Variants in PRKCE observed in about 807,000 individuals in gnomAD.
The protein encoded by PRKCE is protein kinase C epsilon type.
A neutral mutation model predicts 85.4 loss-of-function variants in PRKCE; 16 were observed. The observed-to-expected ratio is 0.19, with a 90% CI of 0.13 to 0.28. The LOEUF (loss-of-function observed/expected upper bound fraction) is 0.28, where lower values mean the gene tolerates loss of function less well. Among genes scored for constraint, PRKCE ranks in the 10% least tolerant of loss-of-function variants. The pLI, the probability that PRKCE is intolerant of heterozygous loss-of-function variation, is 1.00. For missense variants in PRKCE, 573 were observed against 975.2 expected, an observed-to-expected ratio of 0.59 and a Z score of 5.49; for synonymous variants, 388 against 371.5, an observed-to-expected ratio of 1.04 and a Z score of -0.51.
chr2:46,184,951 ACT>A lies in PRKCE; in HGVS notation c.*72_*73del. The A allele has an allele frequency of 6.4e-7, 1 of 1,568,628 alleles. No homozygotes were observed. The highest frequency in any genetic ancestry group is 8.6e-7 in the Non-Finnish European group (1 of 1,158,476). Reference sequence around the variant, plus strand: ...CAGAGAAGACTCCTGTGTTGGAGACACTCAGCAGGTCTTGAACTACTTCTCCT... The same window carrying A: ...CAGAGAAGACTCCTGTGTTGGAGACACAGCAGGTCTTGAACTACTTCTCCT... On this transcript the variant is annotated 3_prime_UTR_variant, in exon 15 of 15. Transcript: ENST00000306156. The surrounding 1 kb of genome is among the most constrained non-coding windows in gnomAD (Gnocchi z 5.0).
chr2:45,947,125 T>A (rs1396907189), intron 2 of PRKCE, among the ~76,000 whole-genome samples: 3 of 152,258 alleles, frequency 2.0e-5, no homozygotes, highest in African/African-American at 7.2e-5. Flanking sequence ...TGCAATCGAA[T>A]GTTATTCAGA....
At chr2:46,002,109 A>C (rs533343744) in intron 7 of PRKCE, among the ~76,000 whole-genome samples, 9 of 152,242 alleles carry the variant, frequency 5.9e-5, no homozygotes, top group Non-Finnish European at 1.3e-4. Context: ...TCTAAATATC[A>C]GTAAGAAGAG....
At chr2:45,703,378 A>G (rs542057233) in intron 1 of PRKCE, among the ~76,000 whole-genome samples, 37 of 152,162 alleles carry the variant, frequency 2.4e-4, no homozygotes, top group African/African-American at 8.7e-4. Context: ...TCTAAAAATA[A>G]TTTGAAAAAT....
chr2:46,065,579 G>A (rs1667559259), intron 10 of PRKCE, among the ~76,000 whole-genome samples: 1 of 152,164 alleles, frequency 6.6e-6, no homozygotes, highest in African/African-American at 2.4e-5. Context: ...AAGAGCTACT[G>A]TAACTAAATT....
intron 1 of PRKCE, among the ~76,000 whole-genome samples, chr2:45,823,051 G>C (rs978955837): frequency 3.3e-5 from 5 of 152,166 alleles, no homozygotes; most frequent in Non-Finnish European, 7.3e-5. Flanking sequence ...GCCATGCTAG[G>C]CCCAGGGGAA....
chr2:46,143,313 G>A (rs147008072), intron 11 of PRKCE, among the ~76,000 whole-genome samples: 129 of 152,102 alleles, frequency 8.5e-4, no homozygotes, highest in African/African-American at 3.0e-3. Flanking sequence ...ATGGGGGTTG[G>A]CAGCACTGGA....
At chr2:46,028,052 C>G (rs1480988909) in intron 10 of PRKCE, among the ~76,000 whole-genome samples, 1 of 152,094 alleles carries the variant, frequency 6.6e-6, no homozygotes, top group East Asian at 1.9e-4. Context: ...CGTGATTCTC[C>G]TGCCTCAGCC....
intron 10 of PRKCE, among the ~76,000 whole-genome samples, chr2:46,083,738 C>G (rs1178863628): frequency 1.3e-5 from 2 of 152,220 alleles, no homozygotes; most frequent in African/African-American, 4.8e-5. Flanking sequence ...AACCAGATAT[C>G]TGAGTTGGGG....
intron 2 of PRKCE, among the ~76,000 whole-genome samples, chr2:45,929,728 C>T (rs1698895337): frequency 6.6e-6 from 1 of 152,096 alleles, no homozygotes; most frequent in African/African-American, 2.4e-5. Flanking sequence ...TCCCCCCACC[C>T]CCAGGACCTC....
intron 1 of PRKCE, among the ~76,000 whole-genome samples, chr2:45,654,826 G>C (rs12617177): frequency 0.1 from 15,291 of 152,176 alleles, 874 homozygotes; most frequent in East Asian, 0.23. Context: ...ATTGGCAGGG[G>C]TGACTGGCCC....
chr2:46,021,757 G>A (rs914151669), intron 10 of PRKCE, among the ~76,000 whole-genome samples: 1 of 152,142 alleles, frequency 6.6e-6, no homozygotes, highest in Non-Finnish European at 1.5e-5. Context: ...AACAAAGCCA[G>A]TTTCCTCATG....
At chr2:45,992,395 G>A (rs1397469269) in intron 6 of PRKCE, among the ~76,000 whole-genome samples, 1 of 152,166 alleles carries the variant, frequency 6.6e-6, no homozygotes, top group Non-Finnish European at 1.5e-5. Context: ...ATCTCTTTCT[G>A]GTGATGACAT....
At chr2:45,836,393 G>A (rs2105438448) in intron 1 of PRKCE, among the ~76,000 whole-genome samples, 1 of 152,348 alleles carries the variant, frequency 6.6e-6, no homozygotes, top group Non-Finnish European at 1.5e-5. Context: ...AATAGAGCAA[G>A]TAGCAAATTT....
At chr2:45,750,498 C>G (rs1683472014) in intron 1 of PRKCE, among the ~76,000 whole-genome samples, 1 of 151,644 alleles carries the variant, frequency 6.6e-6, no homozygotes, top group Non-Finnish European at 1.5e-5. Flanking sequence ...GGAACTGAGT[C>G]CCAAGGTGGG....
At chr2:45,734,575 A>G (rs1681883799) in intron 1 of PRKCE, among the ~76,000 whole-genome samples, 1 of 152,186 alleles carries the variant, frequency 6.6e-6, no homozygotes, top group South Asian at 2.1e-4. Flanking sequence ...TGACAAACAC[A>G]AAAGGAGATG....
intron 11 of PRKCE, among the ~76,000 whole-genome samples, chr2:46,135,193 T>C (rs1674838518): frequency 6.6e-6 from 1 of 152,236 alleles, no homozygotes; most frequent in Admixed American, 6.5e-5. Flanking sequence ...TTGATCAAAA[T>C]AGCATTGTCT....
At chr2:45,850,116 A>G (rs1692131578) in intron 2 of PRKCE, among the ~76,000 whole-genome samples, 1 of 152,252 alleles carries the variant, frequency 6.6e-6, no homozygotes, top group South Asian at 2.1e-4. Context: ...CCAAATGCCA[A>G]CCATTAGCAG....
At position 46,138,355 on chromosome 2, in the gene PRKCE, T is replaced by C. The variant is rs1675195187; in HGVS notation, c.1593-6738T>C. Among the ~76,000 whole-genome samples the C allele has an allele frequency of 6.6e-6, 1 of 152,204 alleles. No homozygotes were observed. Among genetic ancestry groups the C allele is most frequent in the South Asian group, 2.1e-4 (1 of 4,834 alleles). ...TTATCTAATAGGTGGTCACGGGCAG[T>C]TATGTAGGGTCAGCCCACGCTGCCT... On this transcript the variant is annotated intron_variant, in intron 11 of 14. Transcript: ENST00000306156. The surrounding 1 kb of genome is among the most constrained non-coding windows in gnomAD (Gnocchi z 4.2).
At chr2:46,059,062 T>C (rs1279388980) in intron 10 of PRKCE, among the ~76,000 whole-genome samples, 1 of 152,192 alleles carries the variant, frequency 6.6e-6, no homozygotes, top group East Asian at 1.9e-4. Flanking sequence ...CTCATGCCTG[T>C]AACGTGGCAA....
Sources: allele counts gnomAD v4.1 joint callset (sites outside exome capture counted in the v4.1 genomes callset), GRCh38; gene constraint gnomAD v4.1.1; non-coding constraint Gnocchi (gnomAD v3.1); transcripts MANE v1.5; gene names NCBI Gene and HGNC (gene_info 2026-07-23, HGNC 2026-07-21).